The following PRDM16 variants were observed in gnomAD, a reference collection of about 807,000 sequenced individuals.
PRDM16 encodes PR/SET domain 16.
PRDM16 carries 23 observed loss-of-function variants against 110.6 expected under a neutral mutation model. The observed-to-expected ratio is 0.21, with a 90% CI of 0.15 to 0.29. The LOEUF (loss-of-function observed/expected upper bound fraction) is 0.29. Among genes scored for constraint, PRDM16 ranks in the 10% least tolerant of loss-of-function variants. The pLI is 1.00. For missense variants in PRDM16, 1,615 were observed against 1,794.3 expected (o/e 0.90, Z 1.81); for synonymous variants, 799 against 781.8 (o/e 1.02, Z -0.37).
At position 3,217,029 on chromosome 1, in the gene PRDM16, G is replaced by T. The variant is rs555543143; in HGVS notation, c.388-27058G>T. ...TTCCATGTCCAAATGTTGCAGGGCA[G>T]CAGGGGAAACGGCACCCTCTGTGTG... On this transcript the variant is annotated intron_variant, in intron 2 of 16. Coordinates refer to ENST00000270722, the MANE Select transcript of PRDM16 (RefSeq NM_022114.4). Among the ~76,000 whole-genome samples the T allele has an allele frequency of 2.6e-5, 4 of 152,376 alleles. No individual in the cohort carries two copies. In the South Asian group the frequency reaches 8.3e-4, roughly 32 times the overall value.
intron 2 of PRDM16, among the ~76,000 whole-genome samples, chr1:3,230,686 G>T (rs922189826): frequency 6.6e-5 from 10 of 152,258 alleles, no homozygotes; most frequent in African/African-American, 2.4e-4. Context: ...CCCGGTTGGG[G>T]TGAGGCAGGA....
At chr1:3,089,376 C>T (rs906632819) in intron 1 of PRDM16, among the ~76,000 whole-genome samples, 1 of 152,260 alleles carries the variant, frequency 6.6e-6, no homozygotes, top group Non-Finnish European at 1.5e-5. Flanking sequence ...TGCAACACAG[C>T]ACCATAGCTG....
intron 3 of PRDM16, among the ~76,000 whole-genome samples, chr1:3,253,463 G>GT (rs1344019472): frequency 1.3e-5 from 2 of 149,696 alleles, no homozygotes; most frequent in African/African-American, 2.5e-5. Context: ...GTGGTGTTTG[G>GT]TTTTTTGTCC....
intron 1 of PRDM16, among the ~76,000 whole-genome samples, chr1:3,182,358 G>A (rs1345237123): frequency 6.6e-6 from 1 of 152,222 alleles, no homozygotes; most frequent in African/African-American, 2.4e-5. Context: ...CAGGTGGACG[G>A]TGGTGAGGGA....
At chr1:3,337,129 A>C (rs1642176190) in intron 3 of PRDM16, among the ~76,000 whole-genome samples, 1 of 149,042 alleles carries the variant, frequency 6.7e-6, no homozygotes, top group Admixed American at 6.7e-5. Flanking sequence ...GTGTGAATGC[A>C]TGCATGCACA....
chr1:3,394,711 A>C (rs1378272128), intron 4 of PRDM16, among the ~76,000 whole-genome samples: 1 of 152,094 alleles, frequency 6.6e-6, no homozygotes, highest in Non-Finnish European at 1.5e-5. Context: ...CTACAATGCC[A>C]CTCACGGCAC....
At chr1:3,357,031 C>G (rs1029949085) in intron 3 of PRDM16, among the ~76,000 whole-genome samples, 2 of 152,172 alleles carry the variant, frequency 1.3e-5, no homozygotes. Flanking sequence ...CCACAGCAGC[C>G]CCAACTGAGG....
intron 3 of PRDM16, among the ~76,000 whole-genome samples, chr1:3,305,390 C>T (rs1012632767): frequency 2.0e-5 from 3 of 152,182 alleles, no homozygotes; most frequent in Non-Finnish European, 4.4e-5. Flanking sequence ...GCCCAGGCCC[C>T]GCCTCGCTGT....
At chr1:3,167,538 C>T (rs1163370340) in intron 1 of PRDM16, among the ~76,000 whole-genome samples, 1 of 151,922 alleles carries the variant, frequency 6.6e-6, no homozygotes, top group Admixed American at 6.6e-5. Context: ...CCCGGAGCCT[C>T]CTCCCAGCGC....
intron 2 of PRDM16, among the ~76,000 whole-genome samples, chr1:3,225,571 T>TGCGCGCGCGC (rs1374895567): frequency 3.7e-4 from 40 of 107,662 alleles, no homozygotes; most frequent in African/African-American, 1.3e-3. Flanking sequence ...TGTGTGTGTG[T>TGCGCGCGCGC]GTGCGCGCGC....
chr1:3,199,143 G>T (rs1002384641), intron 2 of PRDM16, among the ~76,000 whole-genome samples: 1 of 152,144 alleles, frequency 6.6e-6, no homozygotes, highest in African/African-American at 2.4e-5. Context: ...GGCAGAGGGG[G>T]ATTAGGATGC....
chr1:3,339,706 C>T lies in PRDM16; in HGVS notation c.439-45446C>T, dbSNP rs910840691. Among the ~76,000 whole-genome samples, 14 of 152,216 alleles carry T rather than the reference C, an allele frequency of 9.2e-5. No homozygotes were observed. The highest frequency in any genetic ancestry group is 3.4e-4 in the African/African-American group (14 of 41,526). ...TGGGGGGTGTGCAGAGCTCAGTTAC[C>T]CCATCTGCCTCAGCCTCCCTCAGAA... On this transcript the variant is annotated intron_variant, in intron 3 of 16. Transcript: ENST00000270722. This position sits in a 1 kb window ranked among gnomAD's most constrained non-coding sequence, Gnocchi z 5.0.
At chr1:3,232,635 A>G (rs974478914) in intron 2 of PRDM16, among the ~76,000 whole-genome samples, 4 of 152,206 alleles carry the variant, frequency 2.6e-5, no homozygotes, top group Admixed American at 6.5e-5. Flanking sequence ...GAATTTGATC[A>G]GGGAAGGGCC....
intron 3 of PRDM16, among the ~76,000 whole-genome samples, chr1:3,332,545 A>G (rs1557615105): frequency 6.6e-6 from 1 of 151,696 alleles, no homozygotes; most frequent in Non-Finnish European, 1.5e-5. Flanking sequence ...CTTATGCTTC[A>G]AGGGTTGATT....
chr1:3,420,419 T>C (rs1268194854), intron 12 of PRDM16, among the ~76,000 whole-genome samples: 1 of 152,216 alleles, frequency 6.6e-6, no homozygotes, highest in African/African-American at 2.4e-5. Context: ...CACCCACGTG[T>C]GTGCCCGCCG....
chr1:3,178,491 C>T (rs1454346571), intron 1 of PRDM16, among the ~76,000 whole-genome samples: 4 of 152,174 alleles, frequency 2.6e-5, no homozygotes, highest in Admixed American at 1.3e-4. Flanking sequence ...TCCCGGAGGC[C>T]GGGGCTCCTG....
intron 1 of PRDM16, among the ~76,000 whole-genome samples, chr1:3,130,772 T>G (rs1452150644): frequency 4.7e-5 from 7 of 150,028 alleles, no homozygotes; most frequent in African/African-American, 1.7e-4. Flanking sequence ...GGCCTTTTCC[T>G]TGGTGCGGGG....
In PRDM16 at chr1:3,081,995, C is replaced by G. The variant is rs1642039665; in HGVS notation, c.37+12699C>G. Among the ~76,000 whole-genome samples, 1 of 152,236 alleles carries G rather than the reference C, an allele frequency of 6.6e-6. No individual in the cohort carries two copies. The highest frequency in any genetic ancestry group is 1.5e-5 in the Non-Finnish European group (1 of 68,048). On this transcript the variant is annotated intron_variant, in intron 1 of 16. Transcript: ENST00000270722. This position sits in a 1 kb window ranked among gnomAD's most constrained non-coding sequence, Gnocchi z 4.6. ...CGTGAGCACCAACCCAAGCCTTGCA[C>G]CCCTGACATGTGGAGGCTTCTGAAA...
intron 3 of PRDM16, among the ~76,000 whole-genome samples, chr1:3,299,078 C>T (rs1429978762): frequency 6.6e-6 from 1 of 152,226 alleles, no homozygotes; most frequent in East Asian, 1.9e-4. Flanking sequence ...TCCCTCAAGA[C>T]ACTGGCTCGG....
Sources: allele counts gnomAD v4.1 joint callset (sites outside exome capture counted in the v4.1 genomes callset), GRCh38; gene constraint gnomAD v4.1.1; non-coding constraint Gnocchi (gnomAD v3.1); transcripts MANE v1.5; gene names NCBI Gene and HGNC (gene_info 2026-07-23, HGNC 2026-07-21).